The following SGCZ variants were observed in gnomAD, a reference collection of about 807,000 sequenced individuals.
SGCZ encodes zeta-sarcoglycan.
Under a neutral mutation model 41.3 loss-of-function variants are expected in SGCZ, and 40 were observed. That is an observed-to-expected ratio of 0.97 (90% CI 0.75 to 1.26). The LOEUF (loss-of-function observed/expected upper bound fraction) is 1.26, where lower values mean the gene tolerates loss of function less well. Ranked by LOEUF, SGCZ falls within the 50% of genes most tolerant of loss-of-function variation. The probability of loss-of-function intolerance (pLI) is 0.00; values close to 1 mark genes in which losing one functional copy is unlikely to be tolerated. For synonymous variants in SGCZ, 206 were observed against 137.5 expected (o/e 1.50, Z -3.49); for missense variants, 552 against 369.8 (o/e 1.49, Z -4.04).
At chr8:14,142,458 A>G (rs1490305105) in intron 5 of SGCZ, among the ~76,000 whole-genome samples, 3 of 152,164 alleles carry the variant, frequency 2.0e-5, no homozygotes, top group African/African-American at 7.2e-5. Flanking sequence ...ACATGATGAT[A>G]TATTTGATTA....
chr8:14,237,833 G>A (rs1473396963), intron 3 of SGCZ, among the ~76,000 whole-genome samples, 154 bp from the exon 4 acceptor site: 1 of 152,206 alleles, frequency 6.6e-6, no homozygotes, highest in East Asian at 1.9e-4. Context: ...GGTGGACAAT[G>A]TACAAAACTG....
chr8:14,549,384 C>A (rs1288441291), intron 2 of SGCZ, among the ~76,000 whole-genome samples: 1 of 151,932 alleles, frequency 6.6e-6, no homozygotes, highest in Non-Finnish European at 1.5e-5. Flanking sequence ...CCACTTTGTT[C>A]ATAGGAGACA....
intron 1 of SGCZ, among the ~76,000 whole-genome samples, chr8:14,924,693 T>C (rs1466036660): frequency 1.3e-5 from 2 of 152,134 alleles, no homozygotes; most frequent in Middle Eastern, 3.2e-3. Context: ...AGAAAGATAG[T>C]AATTAGATAA....
chr8:14,794,764 G>C (rs1225657480), intron 1 of SGCZ, among the ~76,000 whole-genome samples: 1 of 152,202 alleles, frequency 6.6e-6, no homozygotes, highest in Non-Finnish European at 1.5e-5. Context: ...TGGTTATAAA[G>C]AGATTATGAA....
At chr8:14,481,345 A>C (rs1039534685) in intron 2 of SGCZ, among the ~76,000 whole-genome samples, 5 of 152,186 alleles carry the variant, frequency 3.3e-5, no homozygotes, top group African/African-American at 1.2e-4. Context: ...CTTATAAGTA[A>C]TGAGATGGGG....
intron 1 of SGCZ, among the ~76,000 whole-genome samples, chr8:14,808,494 G>T (rs748607581): frequency 6.6e-6 from 1 of 151,938 alleles, no homozygotes; most frequent in Non-Finnish European, 1.5e-5. Context: ...GATCATCACT[G>T]GCCATCAGAG....
At chr8:14,677,550 C>T (rs1439550267) in intron 1 of SGCZ, among the ~76,000 whole-genome samples, 1 of 152,106 alleles carries the variant, frequency 6.6e-6, no homozygotes, top group Non-Finnish European at 1.5e-5. Flanking sequence ...GTGAGCAGAT[C>T]ACTTGAGGCC....
At chr8:14,780,111 C>G (rs1383740000) in intron 1 of SGCZ, among the ~76,000 whole-genome samples, 2 of 151,968 alleles carry the variant, frequency 1.3e-5, no homozygotes, top group Non-Finnish European at 2.9e-5. Flanking sequence ...CAGTGGCTCA[C>G]GCCTGTAATC....
In SGCZ at chr8:14,093,367, G is replaced by T. The variant is rs554125549; in HGVS notation, c.745-2730C>A. On this transcript the variant is annotated intron_variant, in intron 7 of 7. Transcript: ENST00000382080. ...CTTGCTACACTGCTCAAAACACTCT[G>T]ATGTCATCCCCCACACTTCAATTGG... is the stretch of plus-strand genomic sequence containing the variant. Among the ~76,000 whole-genome samples the T allele has an allele frequency of 1.6e-4, 24 of 152,138 alleles. No individual in the cohort carries two copies. The South Asian group carries it at 5.0e-3, about 32-fold the overall frequency.
intron 2 of SGCZ, among the ~76,000 whole-genome samples, chr8:14,499,597 C>G (rs1040319207): frequency 2.6e-5 from 4 of 152,020 alleles, no homozygotes; most frequent in Non-Finnish European, 4.4e-5. Context: ...AGCTAGGCAG[C>G]CTTCCTCCTT....
chr8:14,343,466 G>C (rs1280100268), intron 2 of SGCZ, among the ~76,000 whole-genome samples: 3 of 152,292 alleles, frequency 2.0e-5, no homozygotes, highest in East Asian at 1.9e-4. Flanking sequence ...GAGATGAAGA[G>C]AGTTATAACT....
chr8:14,479,115 C>T (rs184666138), intron 2 of SGCZ, among the ~76,000 whole-genome samples: 114 of 152,174 alleles, frequency 7.5e-4, no homozygotes, highest in African/African-American at 2.7e-3. Flanking sequence ...GGGTGAAGTC[C>T]CACGATAGGC....
intron 1 of SGCZ, among the ~76,000 whole-genome samples, chr8:15,009,362 C>T (rs1563433196): frequency 4.4e-5 from 1 of 22,722 alleles, no homozygotes; most frequent in Non-Finnish European, 1.1e-4. Flanking sequence ...AAATCTGCCC[C>T]CATGACCCAA....
rs189766205 is a variant in SGCZ, at chr8:14,883,410, A to T, written c.40-328484T>A. On this transcript the variant is annotated intron_variant, in intron 1 of 7. Transcript: ENST00000382080. ...TCACATATCTACTTGTGCTTTAGCCATATTCAATATTATACATTAAATACA... is the reference window on the plus strand; with the variant it reads ...TCACATATCTACTTGTGCTTTAGCCTTATTCAATATTATACATTAAATACA... Among the ~76,000 whole-genome samples, 13 of 152,186 alleles carry T rather than the reference A, an allele frequency of 8.5e-5. No individual in the cohort carries two copies. In the South Asian group the frequency reaches 2.5e-3, roughly 29 times the overall value.
intron 4 of SGCZ, among the ~76,000 whole-genome samples, chr8:14,203,938 GA>G (rs1052412618): frequency 6.6e-6 from 1 of 151,798 alleles, no homozygotes. Context: ...AATATATGGA[GA>G]GGGGAGACCT....
At chr8:14,677,616 C>T (rs1442892807) in intron 1 of SGCZ, among the ~76,000 whole-genome samples, 1 of 151,890 alleles carries the variant, frequency 6.6e-6, no homozygotes, top group East Asian at 1.9e-4. Flanking sequence ...ACTAAAAATA[C>T]AAAAATAAGC....
intron 4 of SGCZ, among the ~76,000 whole-genome samples, chr8:14,224,998 G>C (rs1447659411): frequency 6.6e-6 from 1 of 152,098 alleles, no homozygotes; most frequent in Non-Finnish European, 1.5e-5. Flanking sequence ...ACTTCTGTTT[G>C]ACACTAAATC....
At chr8:14,731,391 G>T (rs1254325222) in intron 1 of SGCZ, among the ~76,000 whole-genome samples, 1 of 151,838 alleles carries the variant, frequency 6.6e-6, no homozygotes, top group African/African-American at 2.4e-5. Context: ...GTCAGGGGGT[G>T]GGGGGATAGG....
chr8:14,420,749 G>C (rs1205451515), intron 2 of SGCZ, among the ~76,000 whole-genome samples: 1 of 152,068 alleles, frequency 6.6e-6, no homozygotes, highest in Non-Finnish European at 1.5e-5. Flanking sequence ...TCCTAGTTGA[G>C]TATGTTTGTG....
Sources: allele counts gnomAD v4.1 joint callset (sites outside exome capture counted in the v4.1 genomes callset), GRCh38; gene constraint gnomAD v4.1.1; transcripts MANE v1.5; gene names NCBI Gene and HGNC (gene_info 2026-07-23, HGNC 2026-07-21).